EIF4E2: variants seen among roughly 807,000 people sequenced by gnomAD.
The protein encoded by EIF4E2 is eukaryotic translation initiation factor 4E type 2.
EIF4E2 carries 13 observed loss-of-function variants against 34.2 expected under a neutral mutation model. The ratio of observed to expected loss-of-function variants is 0.38; its 90% CI spans 0.25 to 0.60. The LOEUF is 0.60. EIF4E2 is among the 20% of genes least tolerant of loss of function. The pLI, the probability that EIF4E2 is intolerant of heterozygous loss-of-function variation, is 0.62. For missense variants in EIF4E2, 222 were observed against 315.1 expected (o/e 0.70, Z 2.24); for synonymous variants, 100 against 106.6 (o/e 0.94, Z 0.38).
intron 4 of EIF4E2, among the ~76,000 whole-genome samples, chr2:232,565,014 A>G (rs146278515): frequency 1.6e-4 from 25 of 151,860 alleles, no homozygotes; most frequent in African/African-American, 5.6e-4. Context: ...GGGTAAGAAA[A>G]TAAGTTTAAA....
At chr2:232,551,186 C>T (rs185342712) in intron 1 of EIF4E2, 1 of 494,722 alleles carries the variant, frequency 2.0e-6, no homozygotes, top group East Asian at 6.2e-5. Context: ...GACGGTAACA[C>T]CCTTTGTCGT....
rs1692928637 is a variant in EIF4E2 at position 232,566,258 on chromosome 2, C to T, written c.376-571C>T. On this transcript the variant is annotated intron_variant, in intron 4 of 6. Transcript: ENST00000258416. This position sits in a 1 kb window ranked among gnomAD's most constrained non-coding sequence, Gnocchi z 4.9. The stretch of plus-strand genomic sequence containing the variant: ...CGGGAGTGCAGTGGCACGATCTCGG[C>T]TCCCTGCAAGCTCTGCCTCCCGAGT... Among the ~76,000 whole-genome samples the T allele has an allele frequency of 1.3e-5, 2 of 152,300 alleles. No individual in the cohort carries two copies. Among genetic ancestry groups the T allele is most frequent in the South Asian group, 4.1e-4 (2 of 4,822 alleles).
chr2:232,551,731 T>G (rs538938509), intron 1 of EIF4E2, among the ~76,000 whole-genome samples: 5 of 152,274 alleles, frequency 3.3e-5, no homozygotes, highest in African/African-American at 9.6e-5. Context: ...AAACGTAAAG[T>G]GGAATTACTA....
downstream of EIF4E2, among the ~76,000 whole-genome samples, chr2:232,572,662 G>A (rs960790920): frequency 2.6e-5 from 4 of 152,178 alleles, no homozygotes; most frequent in Non-Finnish European, 5.9e-5. Context: ...GTGCCCGGCT[G>A]TGAGGAAATT....
intron 6 of EIF4E2, chr2:232,568,370 A>G (rs1693007288): frequency 8.1e-6 from 8 of 985,406 alleles, no homozygotes; most frequent in Non-Finnish European, 9.6e-6. Context: ...GGCATGACTC[A>G]TCATAGTCAC....
chr2:232,565,559 AGGAGGT>A (rs1692891440), intron 4 of EIF4E2, among the ~76,000 whole-genome samples: 1 of 151,962 alleles, frequency 6.6e-6, no homozygotes, highest in South Asian at 2.1e-4. Flanking sequence ...ACTTGAACCC[AGGAGGT>A]GGAGGTTGCA....
chr2:232,559,646 T>C (rs181563652), intron 3 of EIF4E2, among the ~76,000 whole-genome samples: 237 of 152,154 alleles, frequency 1.6e-3, no homozygotes, highest in African/African-American at 5.1e-3. Context: ...GTGTCTGATC[T>C]AAAGTCTCAA....
chr2:232,558,522 T>C (rs1692602091), intron 3 of EIF4E2: 1 of 151,834 alleles, frequency 6.6e-6, no homozygotes, highest in South Asian at 2.1e-4. Context: ...TGACCTTAGG[T>C]AATCCACCCG....
At chr2:232,578,806 T>G (rs1239152487) in intron 6 of EIF4E2, among the ~76,000 whole-genome samples, 2 of 151,960 alleles carry the variant, frequency 1.3e-5, no homozygotes, top group Non-Finnish European at 2.9e-5. Flanking sequence ...GCTGAAAGAG[T>G]TGGGGCCAGA....
intron 6 of EIF4E2, among the ~76,000 whole-genome samples, chr2:232,576,387 A>ATTT (rs1173256282): frequency 3.9e-5 from 6 of 152,234 alleles, no homozygotes; most frequent in African/African-American, 1.2e-4. Context: ...AAAACTCAAA[A>ATTT]TAACTCCCAC....
intron 6 of EIF4E2, 164 bp downstream of exon 6, chr2:232,567,378 A>G (rs1283129644): frequency 4.2e-6 from 6 of 1,432,148 alleles, no homozygotes; most frequent in Non-Finnish European, 5.5e-6. Context: ...GTTCTTTGTC[A>G]GCGAGGCTCC....
Position 232,551,441 on chromosome 2 carries a change from C to G in EIF4E2, c.20+697C>G, listed in dbSNP as rs532845137. Among the ~76,000 whole-genome samples, 5 of 152,286 alleles carry G rather than the reference C, an allele frequency of 3.3e-5. No homozygotes were observed. In the East Asian group the frequency reaches 9.7e-4, roughly 29 times the overall value. On this transcript the variant is annotated intron_variant, in intron 1 of 6. Coordinates refer to ENST00000258416, the MANE Select transcript of EIF4E2 (RefSeq NM_004846.4). ...AAAATGCAGAAGTATCTTTACTTAT[C>G]CCCCTCCAAGGATTGTATCTTGAGG...
intron 3 of EIF4E2, among the ~76,000 whole-genome samples, chr2:232,559,535 C>T (rs1692645864): frequency 6.6e-6 from 1 of 152,116 alleles, no homozygotes; most frequent in Non-Finnish European, 1.5e-5. Flanking sequence ...ACATATAATA[C>T]ATACTTTATT....
At chr2:232,567,543 T>C (rs1692979057) in intron 6 of EIF4E2, 2 of 1,243,628 alleles carry the variant, frequency 1.6e-6, no homozygotes, top group Non-Finnish European at 2.0e-6. Flanking sequence ...TTCTTTTTCT[T>C]GCTGTTTTTT....
chr2:232,552,511 C>G (rs1054973971), intron 1 of EIF4E2, among the ~76,000 whole-genome samples: 3 of 152,162 alleles, frequency 2.0e-5, no homozygotes, highest in African/African-American at 7.2e-5. Flanking sequence ...CCCCCAGCCT[C>G]ATATGTTATT....
At chr2:232,571,293 G>A (rs1693085630), downstream of EIF4E2, among the ~76,000 whole-genome samples, 1 of 152,240 alleles carries the variant, frequency 6.6e-6, no homozygotes, top group Admixed American at 6.5e-5. Flanking sequence ...TCACCCCTAA[G>A]ACGTGGACAA....
intron 1 of EIF4E2, among the ~76,000 whole-genome samples, chr2:232,552,606 G>A (rs72993914): frequency 0.035 from 5,278 of 152,248 alleles, 173 homozygotes; most frequent in African/African-American, 0.078. Context: ...ACTAATTCCC[G>A]ACACAAAGGA....
intron 6 of EIF4E2, among the ~76,000 whole-genome samples, chr2:232,578,959 A>G (rs1490874977): frequency 6.6e-6 from 1 of 152,174 alleles, no homozygotes; most frequent in Non-Finnish European, 1.5e-5. Context: ...TGTGGTGTCC[A>G]ATGATTAGGT....
chr2:232,580,837 T>A (rs1181312082), intron 6 of EIF4E2: 1 of 1,387,190 alleles, frequency 7.2e-7, no homozygotes, highest in African/African-American at 1.4e-5. Context: ...TCCCCCTGTA[T>A]ATGTGTGCTT....
Sources: allele counts gnomAD v4.1 joint callset (sites outside exome capture counted in the v4.1 genomes callset), GRCh38; gene constraint gnomAD v4.1.1; non-coding constraint Gnocchi (gnomAD v3.1); transcripts MANE v1.5; gene names NCBI Gene and HGNC (gene_info 2026-07-23, HGNC 2026-07-21).